Variants in IGSF8 observed in about 807,000 individuals in gnomAD.
IGSF8 encodes the protein immunoglobulin superfamily member 8.
IGSF8 carries 46 observed loss-of-function variants against 55.5 expected under a neutral mutation model. The ratio of observed to expected loss-of-function variants is 0.83; its 90% CI spans 0.65 to 1.06. The LOEUF (loss-of-function observed/expected upper bound fraction) is 1.06. IGSF8 is among the 50% of genes least tolerant of loss of function. The pLI is 0.00. For missense variants in IGSF8, 731 were observed against 832.3 expected, an observed-to-expected ratio of 0.88 and a Z score of 1.50; for synonymous variants, 314 against 356.1, an observed-to-expected ratio of 0.88 and a Z score of 1.33.
At chr1:160,093,516 C>T (rs1650168018) in intron 3 of IGSF8, among the ~76,000 whole-genome samples, 185 bp from the exon 4 acceptor site, 2 of 152,200 alleles carry the variant, frequency 1.3e-5, no homozygotes, top group Non-Finnish European at 2.9e-5. Flanking sequence ...GGCCTCCTAT[C>T]TCTATACCCA....
In IGSF8 at chr1:160,094,956, C is replaced by T; in HGVS notation, c.355G>A (p.Ala119Thr). The T allele has an allele frequency of 6.2e-7, 1 of 1,614,098 alleles. No homozygotes were observed. The highest frequency in any genetic ancestry group is 1.1e-5 in the South Asian group (1 of 91,076). The change falls in exon 2 of 7, where the codon GCC (alanine) becomes ACC (threonine). Residue 119 changes from alanine to threonine, a missense_variant. Transcript: ENST00000314485. This position sits in a 1 kb window ranked among gnomAD's most constrained non-coding sequence, Gnocchi z 4.0. The stretch of plus-strand genomic sequence containing the variant: ...CACTCATAAATGCCGGCATCCTGGG[C>T]CTGCAGGCGGGCAATCTTGAGCACC... ...AVVLKIARLQ[A>T]QDAGIYECHT...
chr1:160,095,391 A>C, intron 1 of IGSF8, 145 bp from the exon 2 acceptor site: 2 of 808,990 alleles, frequency 2.5e-6, no homozygotes, highest in Non-Finnish European at 3.8e-6. Flanking sequence ...TGTTCTGAGA[A>C]TAGGAAAGGG....
Position 160,095,099 on chromosome 1 carries a change from G to T in IGSF8, c.212C>A (p.Ala71Asp), listed in dbSNP as rs763545071. 6.2e-7 allele frequency: 1 copy of T among 1,614,006 alleles called. No homozygotes were observed. Among genetic ancestry groups the T allele is most frequent in the African/African-American group, 1.3e-5 (1 of 74,916 alleles). ...GACAATGCCCAGTGCAGTATCTGGG[G>T]CCTCGGGCCTATACAGGAACCACTC... ...NFEWFLYRPEAPDTALGIVST... is the reference protein window; with the variant it reads ...NFEWFLYRPEDPDTALGIVST... Residue 71 changes from alanine (A) to aspartate (D), a missense_variant, in exon 2 of 7, where the codon GCC (alanine) becomes GAC (aspartate). By Grantham distance (126) the Ala-to-Asp change is moderately radical (BLOSUM62 -2). Transcript: ENST00000314485.
Position 160,094,107 on chromosome 1 carries a change from G to A in IGSF8, c.507C>T (p.Thr169=), listed in dbSNP as rs749428600. ...PPGPRGRQAP[T]SPPRMTVHEG... is the part of the protein sequence containing the mutation. ...CATGCACCGTCATGCGTGGGGGTGA[G>A]GTTGGGGCCTGGCGGCCTCGGGGCC... The change falls in exon 3 of 7, where the codon ACC becomes ACT. Residue 169 remains threonine, a synonymous_variant. Transcript: ENST00000314485. The surrounding 1 kb of genome is among the most constrained non-coding windows in gnomAD (Gnocchi z 4.0). 1.7e-5 allele frequency: 27 copies of A among 1,610,900 alleles called. No homozygotes were observed. Among genetic ancestry groups the A allele is most frequent in the Non-Finnish European group, 2.3e-5 (27 of 1,180,020 alleles).
In IGSF8 at chr1:160,095,155, G is replaced by C. The variant is rs778665542; in HGVS notation, c.156C>G (p.Thr52=). The part of the protein sequence containing the change: ...GTAVSISCNV[T]GYEGPAQQNF... Reference sequence around the variant, plus strand: ...TCTGCTGGGCAGGGCCCTCATAGCCGGTCACATTGCAGGAGATGGAGACAG... The same window carrying C: ...TCTGCTGGGCAGGGCCCTCATAGCCCGTCACATTGCAGGAGATGGAGACAG... The change falls in exon 2 of 7, where the codon ACC becomes ACG. Residue 52 remains threonine (T), a synonymous_variant. Transcript: ENST00000314485. The C allele has an allele frequency of 1.2e-5, 19 of 1,613,412 alleles. No homozygotes were observed. Among genetic ancestry groups the C allele is most frequent in the Non-Finnish European group, 1.5e-5 (18 of 1,180,032 alleles).
In IGSF8 at chr1:160,093,919, G is replaced by A; in HGVS notation, c.695C>T (p.Ala232Val). Residue 232 changes from alanine (A) to valine (V), a missense_variant, in exon 3 of 7, where the codon GCT becomes GTT. Transcript: ENST00000314485. ...TGCAGCCAATCGCTCAGCATAGGGAGCTCCAGCCTCCACGGCCAAGTCTGA... is the reference window on the plus strand; with the variant it reads ...TGCAGCCAATCGCTCAGCATAGGGAACTCCAGCCTCCACGGCCAAGTCTGA... ...IRSDLAVEAG[A>V]PYAERLAAGE... 3.1e-6 allele frequency: 5 copies of A among 1,614,252 alleles called. No homozygotes were observed. The highest frequency in any genetic ancestry group is 4.2e-6 in the Non-Finnish European group (5 of 1,180,042).
In IGSF8 at chr1:160,094,157, G is replaced by A. The variant is rs749784501; in HGVS notation, c.457C>T (p.Leu153Phe). 1 of 1,598,108 alleles carries A rather than the reference G, an allele frequency of 6.3e-7. No individual in the cohort carries two copies. The highest frequency in any genetic ancestry group is 2.2e-5 in the East Asian group (1 of 44,794). The part of the protein sequence containing the change: ...KVELRVLPDV[L>F]QVSAAPPGPR... Reference sequence around the variant, plus strand: ...CCTGGGGGGGCAGCAGACACCTGGAGGACATCTGGAAGAACTGGAGAGAAC... The same window carrying A: ...CCTGGGGGGGCAGCAGACACCTGGAAGACATCTGGAAGAACTGGAGAGAAC... The change falls in exon 3 of 7, where the codon CTC (leucine) becomes TTC (phenylalanine). Residue 153 changes from leucine to phenylalanine, a missense_variant. Transcript: ENST00000314485. The surrounding 1 kb of genome is among the most constrained non-coding windows in gnomAD (Gnocchi z 4.0).
chr1:160,091,694 G>A, intron 6 of IGSF8, 86 bp from the exon 7 acceptor site: 1 of 714,908 alleles, frequency 1.4e-6, no homozygotes, highest in Non-Finnish European at 2.6e-6. Flanking sequence ...AGGGCCCTGT[G>A]GATCTGAGCT....
chr1:160,096,277 C>T (rs1650429862), intron 1 of IGSF8, among the ~76,000 whole-genome samples: 1 of 152,156 alleles, frequency 6.6e-6, no homozygotes, highest in African/African-American at 2.4e-5. Context: ...CCCCTCCCCA[C>T]CTCTCCCAAT....
intron 1 of IGSF8, among the ~76,000 whole-genome samples, chr1:160,097,339 G>C (rs2101967520): frequency 6.6e-6 from 1 of 152,206 alleles, no homozygotes; most frequent in African/African-American, 2.4e-5. Flanking sequence ...ACATCCTCCT[G>C]CCACCTGCCC....
chr1:160,097,578 G>T, intron 1 of IGSF8: 1 of 541,608 alleles, frequency 1.8e-6, no homozygotes, highest in Non-Finnish European at 2.4e-6. Flanking sequence ...CAGTTTCACT[G>T]TCTCCATGCC....
rs541701696 is a variant in IGSF8, at chr1:160,093,611, G to C, written c.904+99C>G. The C allele has an allele frequency of 6.0e-6, 6 of 993,070 alleles. No individual in the cohort carries two copies. The African/African-American group carries it at 9.8e-5, about 16-fold the overall frequency. 61.5% of individuals were successfully genotyped at this position (993,070 alleles called of 1,614,324 possible). On this transcript the variant is annotated intron_variant, in intron 3 of 6. Coordinates refer to ENST00000314485, the MANE Select transcript of IGSF8 (RefSeq NM_052868.6). ...CACTCTGTGGAAGATGAGTTCCTTG[G>C]AGTCAGATGATGGCTATCTGGTACC...
Position 160,097,939 on chromosome 1 carries a change from G to A in IGSF8, c.64+470C>T, listed in dbSNP as rs1650552553. ...TTGATGAAGTGCGTGGAGCGCAACT[G>A]GGAGAGACTTACTTCAAAGATCGTG... On this transcript the variant is annotated intron_variant, in intron 1 of 6. Transcript: ENST00000314485. 3 of 985,378 alleles carry A rather than the reference G, an allele frequency of 3.0e-6. No individual in the cohort carries two copies. The Admixed American group carries it at 1.8e-4, about 61-fold the overall frequency. The allele number at this position is 985,378 out of a possible 1,614,324, so 61.0% of individuals were successfully genotyped here. A position where few individuals can be genotyped will look rare whatever the true frequency, so the allele number is the denominator to read the frequency against.
At position 160,091,579 on chromosome 1, in the gene IGSF8, G is replaced by A. The variant is rs1649954536; in HGVS notation, c.*45C>T. The stretch of plus-strand genomic sequence containing the variant: ...GGCAACCAGAGGAGGGCTTGGAGCT[G>A]GGCCGGAAGACAGTCGACACCTGCA... On this transcript the variant is annotated 3_prime_UTR_variant, in exon 7 of 7. Coordinates refer to ENST00000314485, the MANE Select transcript of IGSF8 (RefSeq NM_052868.6). 4.0e-6 allele frequency: 2 copies of A among 495,360 alleles called. No homozygotes were observed. Among genetic ancestry groups the A allele is most frequent in the Admixed American group, 6.8e-5 (2 of 29,326 alleles). The allele number at this position is 495,360 out of a possible 1,614,324, so 30.7% of individuals were successfully genotyped here.
In IGSF8 at chr1:160,093,879, C is replaced by G. The variant is rs1429210163; in HGVS notation, c.735G>C (p.Leu245=). 6.2e-7 allele frequency: 1 copy of G among 1,614,242 alleles called. No homozygotes were observed. Among genetic ancestry groups the G allele is most frequent in the Non-Finnish European group, 8.5e-7 (1 of 1,180,040 alleles). The change falls in exon 3 of 7, where the codon CTG becomes CTC. Residue 245 remains leucine (L), a synonymous_variant. Coordinates refer to ENST00000314485, the MANE Select transcript of IGSF8 (RefSeq NM_052868.6). The part of the protein sequence containing the change: ...AERLAAGELR[L]GKEGTDRYRM... ...GGTACCGATCGGTCCCTTCCTTGCC[C>G]AGACGAAGCTCCCCTGCAGCCAATC...
In IGSF8 at chr1:160,093,363, G is replaced by A. The variant is rs748333233; in HGVS notation, c.905-32C>T. 9 of 1,544,044 alleles carry A rather than the reference G, an allele frequency of 5.8e-6. 1 individual carries two copies. The South Asian group carries it at 9.8e-5, about 17-fold the overall frequency. On this transcript the variant is annotated intron_variant, in intron 3 of 6. Coordinates refer to ENST00000314485, the MANE Select transcript of IGSF8 (RefSeq NM_052868.6). The stretch of plus-strand genomic sequence containing the variant: ...CACAGGTAGGGGAAGAGGTGTCATG[G>A]AGGCAGGAGGGGACACAGAGGCACC...
At chr1:160,096,718 T>A (rs1208902029) in intron 1 of IGSF8, among the ~76,000 whole-genome samples, 1 of 152,170 alleles carries the variant, frequency 6.6e-6, no homozygotes, top group Non-Finnish European at 1.5e-5. Flanking sequence ...TGGCCTGGGA[T>A]CCAGTCTCTT....
In IGSF8 at chr1:160,094,736, C is replaced by A. The variant is rs59366803; in HGVS notation, c.442+133G>T. On this transcript the variant is annotated intron_variant, in intron 2 of 6. Transcript: ENST00000314485. The surrounding 1 kb of genome is among the most constrained non-coding windows in gnomAD (Gnocchi z 4.0). ...CACTGAGTTATTGGGTGACTTTGTGCAAATCACTTAACCTCTTTGGGCCTC... is the reference window on the plus strand; with the variant it reads ...CACTGAGTTATTGGGTGACTTTGTGAAAATCACTTAACCTCTTTGGGCCTC... 8,025 of 991,424 alleles carry A rather than the reference C, an allele frequency of 8.1e-3. 445 individuals carry two copies. In the African/African-American group the frequency reaches 0.12, roughly 15 times the overall value. The allele number at this position is 991,424 out of a possible 1,614,324, so 61.4% of individuals were successfully genotyped here. A position where few individuals can be genotyped will look rare whatever the true frequency, so the allele number is the denominator to read the frequency against.
intron 5 of IGSF8, 97 bp downstream of exon 5, chr1:160,092,185 G>C (rs1369987750): frequency 7.7e-7 from 1 of 1,294,290 alleles, no homozygotes; most frequent in Non-Finnish European, 1.1e-6. Flanking sequence ...GTGGAGGAGA[G>C]AGATAGTAGC....
Sources: allele counts gnomAD v4.1 joint callset (sites outside exome capture counted in the v4.1 genomes callset), GRCh38; gene constraint gnomAD v4.1.1; non-coding constraint Gnocchi (gnomAD v3.1); transcripts MANE v1.5; gene names NCBI Gene and HGNC (gene_info 2026-07-23, HGNC 2026-07-21).